The following TSPO variants were observed in gnomAD, a reference collection of about 807,000 sequenced individuals.
The protein encoded by TSPO is benzodiazepine peripheral binding site.
Under a neutral mutation model 13.9 loss-of-function variants are expected in TSPO, and 14 were observed. The ratio of observed to expected loss-of-function variants is 1.01; its 90% CI spans 0.67 to 1.58. The LOEUF (loss-of-function observed/expected upper bound fraction) is 1.58. Among genes scored for constraint, TSPO ranks in the 40% most tolerant of loss-of-function variants. The pLI is 0.00. For missense variants in TSPO, 232 were observed against 229.6 expected, an observed-to-expected ratio of 1.01 and a Z score of -0.07; for synonymous variants, 114 against 105.9, an observed-to-expected ratio of 1.08 and a Z score of -0.47.
chr22:43,152,455 G>A (rs577234383), intron 1 of TSPO, among the ~76,000 whole-genome samples: 39 of 152,384 alleles, frequency 2.6e-4, no homozygotes, highest in South Asian at 4.1e-4. Flanking sequence ...GGAAGCAGCC[G>A]CCCAGCTTGC....
chr22:43,155,113 A>T (rs1216790088), intron 1 of TSPO, among the ~76,000 whole-genome samples: 1 of 151,932 alleles, frequency 6.6e-6, no homozygotes, highest in Non-Finnish European at 1.5e-5. Context: ...ACCCAGCTCA[A>T]AGGGAGGGGT....
intron 1 of TSPO, among the ~76,000 whole-genome samples, chr22:43,155,915 C>G (rs1931236061): frequency 6.6e-6 from 1 of 152,252 alleles, no homozygotes; most frequent in Non-Finnish European, 1.5e-5. Context: ...TCCTGCCTAG[C>G]CTGGCTCAGC....
intron 2 of TSPO, chr22:43,159,676 G>C: frequency 2.4e-6 from 1 of 419,000 alleles, no homozygotes; most frequent in Non-Finnish European, 4.2e-6. Context: ...CCAGGCAGAG[G>C]CCGGCTTAGT....
At chr22:43,155,585 C>T (rs9333321) in intron 1 of TSPO, among the ~76,000 whole-genome samples, 1,771 of 152,298 alleles carry the variant, frequency 0.012, 20 homozygotes, top group Admixed American at 0.018. Flanking sequence ...CACTGATACC[C>T]ACAACCCCTC....
chr22:43,153,436 C>A (rs1306976525), intron 1 of TSPO, among the ~76,000 whole-genome samples: 1 of 74,750 alleles, frequency 1.3e-5, no homozygotes, highest in Non-Finnish European at 2.9e-5. Context: ...ACTGCAAGCT[C>A]CGCTTCCCGG....
At chr22:43,155,448 C>T (rs533973625) in intron 1 of TSPO, among the ~76,000 whole-genome samples, 14 of 152,332 alleles carry the variant, frequency 9.2e-5, no homozygotes, top group African/African-American at 1.4e-4. Flanking sequence ...GTTTTGGGGG[C>T]GCTGCTCCGT....
chr22:43,159,433 G>T lies in TSPO; in HGVS notation c.182+13G>T. The T allele has an allele frequency of 6.7e-7, 1 of 1,496,208 alleles. No individual in the cohort carries two copies. 92.7% of individuals were successfully genotyped at this position (1,496,208 alleles called of 1,614,324 possible). On this transcript the variant is annotated intron_variant, in intron 2 of 3. Transcript: ENST00000337554. ...ACTCAGCCATGGGGTAGGTGGGCGT[G>T]CACTGGCCTGGGGATAAGCCTGGCC... is the stretch of plus-strand genomic sequence containing the variant.
In TSPO at chr22:43,162,833, G is replaced by A; in HGVS notation, c.352G>A (p.Ala118Thr). The change falls in exon 4 of 4, where the codon GCG becomes ACG. Residue 118 changes from alanine (A) to threonine (T), a missense_variant. By Grantham distance (58) the Ala-to-Thr change is moderately conservative. Coordinates refer to ENST00000337554, the MANE Select transcript of TSPO (RefSeq NM_000714.6). Reference protein sequence around the residue: ...ALVDLLLVSGAAAATTVAWYQ... With the variant: ...ALVDLLLVSGTAAATTVAWYQ... The stretch of plus-strand genomic sequence containing the variant: ...GGTGGATCTCCTGCTGGTCAGTGGG[G>A]CGGCGGCAGCCACTACCGTGGCCTG... 1.9e-6 allele frequency: 3 copies of A among 1,584,934 alleles called. No individual in the cohort carries two copies. Among genetic ancestry groups the A allele is most frequent in the Non-Finnish European group, 2.6e-6 (3 of 1,166,880 alleles).
Position 43,162,866 on chromosome 22 carries a change from G to C in TSPO, c.385G>C (p.Val129Leu). ...AAATTVAWYQ[V>L]SPLAARLLYP... ...AGCCACTACCGTGGCCTGGTACCAG[G>C]TGAGCCCGCTGGCCGCCCGCCTGCT... The change falls in exon 4 of 4, where the codon GTG (valine) becomes CTG (leucine). Residue 129 changes from valine (V) to leucine (L), a missense_variant. By Grantham distance (32) the Val-to-Leu change is conservative. Coordinates refer to ENST00000337554, the MANE Select transcript of TSPO (RefSeq NM_000714.6). 1 of 1,581,738 alleles carries C rather than the reference G, an allele frequency of 6.3e-7. No individual in the cohort carries two copies. The highest frequency in any genetic ancestry group is 8.6e-7 in the Non-Finnish European group (1 of 1,165,026).
chr22:43,157,504 C>T (rs1334097304), intron 1 of TSPO, among the ~76,000 whole-genome samples: 1 of 152,146 alleles, frequency 6.6e-6, no homozygotes, highest in Non-Finnish European at 1.5e-5. Flanking sequence ...TAAGTGGCAG[C>T]ACCGGAATCT....
intron 2 of TSPO, chr22:43,159,655 T>C (rs976359604): frequency 1.4e-4 from 63 of 444,850 alleles, no homozygotes; most frequent in Admixed American, 1.3e-4. Flanking sequence ...ATCCCCGCCA[T>C]GTTCACAGCT....
chr22:43,162,992 G>T lies in TSPO; in HGVS notation c.*1G>T. Reference sequence around the variant, plus strand: ...TGGGGGACGGCGGCTGCCAGAGTGAGTGCCCGGCCCACCAGGGACTGCAGC... The same window carrying T: ...TGGGGGACGGCGGCTGCCAGAGTGATTGCCCGGCCCACCAGGGACTGCAGC... On this transcript the variant is annotated 3_prime_UTR_variant, in exon 4 of 4. Coordinates refer to ENST00000337554, the MANE Select transcript of TSPO (RefSeq NM_000714.6). 1.3e-6 allele frequency: 2 copies of T among 1,581,542 alleles called. No individual in the cohort carries two copies.
chr22:43,154,841 C>T (rs2147051013), intron 1 of TSPO, among the ~76,000 whole-genome samples: 1 of 152,256 alleles, frequency 6.6e-6, no homozygotes, highest in Non-Finnish European at 1.5e-5. Flanking sequence ...CTGGGTCCCA[C>T]CCTCAGTGGG....
At chr22:43,157,351 C>T (rs1380641201) in intron 1 of TSPO, among the ~76,000 whole-genome samples, 2 of 149,970 alleles carry the variant, frequency 1.3e-5, no homozygotes, top group Non-Finnish European at 2.9e-5. Context: ...AGGAACGTTT[C>T]TTGCCGGGAC....
At chr22:43,161,590 T>G (rs1302733264) in intron 3 of TSPO, among the ~76,000 whole-genome samples, 1 of 151,588 alleles carries the variant, frequency 6.6e-6, no homozygotes, top group Non-Finnish European at 1.5e-5. Context: ...TGGGTTCAAG[T>G]GATTCCCTTG....
In TSPO at chr22:43,163,016, G is replaced by A. The variant is rs1179548982; in HGVS notation, c.*25G>A. The A allele has an allele frequency of 1.3e-6, 2 of 1,576,720 alleles. No individual in the cohort carries two copies. On this transcript the variant is annotated 3_prime_UTR_variant, in exon 4 of 4. Transcript: ENST00000337554. ...AGTGCCCGGCCCACCAGGGACTGCA[G>A]CTGCACCAGCAGGTGCCATCACGCT...
rs752645452 is a variant in TSPO at position 43,162,824 on chromosome 22, G to A, written c.343G>A (p.Val115Ile). The change falls in exon 4 of 4, where the codon GTC becomes ATC. Residue 115 changes from valine to isoleucine, a missense_variant. Transcript: ENST00000337554. The stretch of plus-strand genomic sequence containing the variant: ...GCAGGCCTTGGTGGATCTCCTGCTG[G>A]TCAGTGGGGCGGCGGCAGCCACTAC... ...MGWALVDLLL[V>I]SGAAAATTVA... 10 of 1,586,752 alleles carry A rather than the reference G, an allele frequency of 6.3e-6. No individual in the cohort carries two copies. The highest frequency in any genetic ancestry group is 6.8e-6 in the Non-Finnish European group (8 of 1,167,886).
At position 43,154,235 on chromosome 22, in the gene TSPO, G is replaced by T. The variant is rs543047037; in HGVS notation, c.-30+2631G>T. ...GAAAACAAGTCCCTGGGACAGTGCTGGCTTCGTTGGAGAGACAAGGCTCAG... is the reference window on the plus strand; with the variant it reads ...GAAAACAAGTCCCTGGGACAGTGCTTGCTTCGTTGGAGAGACAAGGCTCAG... On this transcript the variant is annotated intron_variant, in intron 1 of 3. Coordinates refer to ENST00000337554, the MANE Select transcript of TSPO (RefSeq NM_000714.6). Among the ~76,000 whole-genome samples the T allele has an allele frequency of 3.9e-5, 6 of 152,304 alleles. No homozygotes were observed. The East Asian group carries it at 5.8e-4, about 15-fold the overall frequency.
At chr22:43,161,803 A>G (rs1203854252) in intron 3 of TSPO, among the ~76,000 whole-genome samples, 2 of 151,960 alleles carry the variant, frequency 1.3e-5, no homozygotes, top group Non-Finnish European at 2.9e-5. Flanking sequence ...CGCCCGGCTG[A>G]CTGCTTCTTT....
Sources: allele counts gnomAD v4.1 joint callset (sites outside exome capture counted in the v4.1 genomes callset), GRCh38; gene constraint gnomAD v4.1.1; transcripts MANE v1.5; gene names NCBI Gene and HGNC (gene_info 2026-07-23, HGNC 2026-07-21).